INO80D: variants seen among roughly 807,000 people sequenced by gnomAD.
INO80D encodes INO80 complex subunit D.
In INO80D, 21 loss-of-function variants were observed where a neutral mutation model predicts 87.6. The observed-to-expected ratio is 0.24, with a 90% CI of 0.17 to 0.35. INO80D has a LOEUF of 0.35. Among genes scored for constraint, INO80D ranks in the 10% least tolerant of loss-of-function variants. INO80D has a pLI of 1.00. For missense variants in INO80D, 982 were observed against 1,280.7 expected, an observed-to-expected ratio of 0.77 and a Z score of 3.56; for synonymous variants, 440 against 491.0, an observed-to-expected ratio of 0.90 and a Z score of 1.37.
chr2:206,047,796 G>A (rs1275411338), intron 4 of INO80D, among the ~76,000 whole-genome samples: 1 of 152,020 alleles, frequency 6.6e-6, no homozygotes, highest in Non-Finnish European at 1.5e-5. Context: ...ACCTTCCATG[G>A]GAAGATGGAA....
Position 206,056,276 on chromosome 2 carries a change from A to G in INO80D, c.886T>C (p.Cys296Arg). The G allele has an allele frequency of 1.9e-6, 3 of 1,613,936 alleles. No individual in the cohort carries two copies. The highest frequency in any genetic ancestry group is 1.7e-5 in the Admixed American group (1 of 59,998). The stretch of plus-strand genomic sequence containing the variant: ...ACCAGTCTCTGCAGTCGGCTTATAC[A>G]TGAGAAGTGTGGAGAGAAGGCTGTG... ...KATAFSPHFS[C>R]ISRLQRLVKL... The change falls in exon 4 of 11, where the codon TGT becomes CGT. Residue 296 changes from cysteine (C) to arginine (R), a missense_variant. Cys to Arg is a radical substitution (Grantham distance 180). Transcript: ENST00000403263.
chr2:205,994,231 AGAG>A lies in INO80D; in HGVS notation c.*10134_*10136del, dbSNP rs1211250285. On this transcript the variant is annotated 3_prime_UTR_variant, in exon 11 of 11. Transcript: ENST00000403263. ...TCCCAGCCACTATGAACACAAATACAGAGGAGAGATTGTCAGTTTGTAAGTTCC... is the reference window on the plus strand; with the variant it reads ...TCCCAGCCACTATGAACACAAATACAGAGAGATTGTCAGTTTGTAAGTTCC... 6.6e-6 allele frequency: 1 copy of A among 152,208 alleles called. No individual in the cohort carries two copies. Among genetic ancestry groups the A allele is most frequent in the Non-Finnish European group, 1.5e-5 (1 of 68,044 alleles). The allele number at this position is 152,208 out of a possible 1,614,324, so 9.4% of individuals were successfully genotyped here. A position where few individuals can be genotyped will look rare whatever the true frequency, so the allele number is the denominator to read the frequency against.
intron 5 of INO80D, among the ~76,000 whole-genome samples, chr2:206,038,668 A>T (rs1249275067): frequency 3.9e-5 from 6 of 152,010 alleles, no homozygotes; most frequent in Non-Finnish European, 7.4e-5. Flanking sequence ...CCATCTCTAC[A>T]ACAAAATGCA....
chr2:206,056,222 C>T lies in INO80D; in HGVS notation c.940G>A (p.Asp314Asn). The change falls in exon 4 of 11, where the codon GAC (aspartate) becomes AAC (asparagine). Residue 314 changes from aspartate (D) to asparagine (N), a missense_variant. Transcript: ENST00000403263. ...VKLCTQKHQLDTDLFPHLGLD... is the reference protein window; with the variant it reads ...VKLCTQKHQLNTDLFPHLGLD... Reference sequence around the variant, plus strand: ...CCTAAATGGGGAAACAGATCAGTGTCCAACTGATGTTTCTGGGTGCACAGT... The same window carrying T: ...CCTAAATGGGGAAACAGATCAGTGTTCAACTGATGTTTCTGGGTGCACAGT... 3.8e-6 allele frequency: 6 copies of T among 1,599,322 alleles called. No homozygotes were observed. The highest frequency in any genetic ancestry group is 1.3e-5 in the African/African-American group (1 of 74,700).
chr2:206,066,419 T>C (rs925669801), intron 1 of INO80D, among the ~76,000 whole-genome samples: 10 of 152,070 alleles, frequency 6.6e-5, no homozygotes, highest in Non-Finnish European at 1.5e-4. Flanking sequence ...ACCCAAGATA[T>C]GGAATCAAAC....
Position 205,997,218 on chromosome 2 carries a change from A to G in INO80D, c.*7150T>C, listed in dbSNP as rs976876051. On this transcript the variant is annotated 3_prime_UTR_variant, in exon 11 of 11. Coordinates refer to ENST00000403263, the MANE Select transcript of INO80D (RefSeq NM_017759.5). ...TAAATGTATAGCAAAATAACAACTT[A>G]AAACTCAAAATAAAGGGATGTATTT... is the stretch of plus-strand genomic sequence containing the variant. The G allele has an allele frequency of 6.6e-6, 1 of 152,126 alleles. No homozygotes were observed. Among genetic ancestry groups the G allele is most frequent in the Non-Finnish European group, 1.5e-5 (1 of 67,976 alleles). 9.4% of individuals were successfully genotyped at this position (152,126 alleles called of 1,614,324 possible).
At chr2:206,076,257 T>C (rs992874846) in intron 1 of INO80D, among the ~76,000 whole-genome samples, 1 of 152,162 alleles carries the variant, frequency 6.6e-6, no homozygotes, top group Non-Finnish European at 1.5e-5. Flanking sequence ...TTTTCCAATA[T>C]ACTTAATGCA....
At chr2:206,047,169 T>C (rs1220709323) in intron 4 of INO80D, among the ~76,000 whole-genome samples, 1 of 152,086 alleles carries the variant, frequency 6.6e-6, no homozygotes, top group African/African-American at 2.4e-5. Context: ...ACTAATGGGG[T>C]AGAAACAACA....
At chr2:206,026,694 TC>T in intron 6 of INO80D, among the ~76,000 whole-genome samples, 1 of 149,908 alleles carries the variant, frequency 6.7e-6, no homozygotes. Flanking sequence ...ATAACAGAAT[TC>T]CATAATCAGT....
chr2:206,010,710 C>T (rs993262424), intron 8 of INO80D, among the ~76,000 whole-genome samples: 2 of 152,092 alleles, frequency 1.3e-5, no homozygotes, highest in African/African-American at 4.8e-5. Flanking sequence ...CAGGTTTAAT[C>T]CTACTCAAAT....
intron 3 of INO80D, 105 bp from the exon 4 acceptor site, chr2:206,057,048 A>G (rs1689545455): frequency 5.2e-6 from 6 of 1,150,842 alleles, no homozygotes; most frequent in Non-Finnish European, 7.2e-6. Flanking sequence ...GCGTCACTAT[A>G]GTGACTCTTG....
In INO80D at chr2:206,050,682, T is replaced by C. The variant is rs571871585; in HGVS notation, c.965-4070A>G. 1.3e-4 allele frequency among the ~76,000 whole-genome samples: 20 copies of C among 150,866 alleles called. No homozygotes were observed. In the South Asian group the frequency reaches 3.8e-3, roughly 29 times the overall value. On this transcript the variant is annotated intron_variant, in intron 4 of 10. Coordinates refer to ENST00000403263, the MANE Select transcript of INO80D (RefSeq NM_017759.5). ...GGCAAACATTTTTTAAAAATTGTTA[T>C]ATTTCGCCGGGCGCGGTGGCTCACG...
intron 8 of INO80D, among the ~76,000 whole-genome samples, chr2:206,011,777 C>T (rs923634059): frequency 6.6e-6 from 1 of 152,146 alleles, no homozygotes; most frequent in Admixed American, 6.5e-5. Flanking sequence ...GCTAGGGATA[C>T]AGTAGTAACA....
At chr2:206,081,764 AAAAAAAAG>A (rs937786565) in intron 1 of INO80D, among the ~76,000 whole-genome samples, 11 of 148,430 alleles carry the variant, frequency 7.4e-5, no homozygotes, top group African/African-American at 2.2e-4. Flanking sequence ...CTCAAAAAAA[AAAAAAAAG>A]AAAGAAAGAA....
At chr2:206,043,000 G>T (rs1298445133) in intron 5 of INO80D, among the ~76,000 whole-genome samples, 2 of 152,072 alleles carry the variant, frequency 1.3e-5, no homozygotes, top group African/African-American at 4.8e-5. Flanking sequence ...AATTCCTTAT[G>T]GCACAATCCT....
Position 205,999,995 on chromosome 2 carries a change from T to C in INO80D, c.*4373A>G, listed in dbSNP as rs955856201. Reference sequence around the variant, plus strand: ...AACTCTCCACTCCCGAGAAATATATTTTTTGTCAGGAAAAAAATCCTTGGA... The same window carrying C: ...AACTCTCCACTCCCGAGAAATATATCTTTTGTCAGGAAAAAAATCCTTGGA... On this transcript the variant is annotated 3_prime_UTR_variant, in exon 11 of 11. Transcript: ENST00000403263. 1.3e-5 allele frequency: 2 copies of C among 152,120 alleles called. No homozygotes were observed. The highest frequency in any genetic ancestry group is 4.8e-5 in the African/African-American group (2 of 41,408). The allele number at this position is 152,120 out of a possible 1,614,324, so 9.4% of individuals were successfully genotyped here.
chr2:206,036,420 A>C (rs1688895866), intron 5 of INO80D, among the ~76,000 whole-genome samples: 1 of 152,208 alleles, frequency 6.6e-6, no homozygotes, highest in Non-Finnish European at 1.5e-5. Flanking sequence ...GAATGAATTA[A>C]TGGCATTTGC....
chr2:206,032,861 G>A (rs1024252892), intron 5 of INO80D, among the ~76,000 whole-genome samples: 5 of 151,994 alleles, frequency 3.3e-5, no homozygotes, highest in African/African-American at 1.2e-4. Context: ...CATCAAAACA[G>A]AATCTTTTTA....
At chr2:206,067,048 G>A (rs968676865) in intron 1 of INO80D, among the ~76,000 whole-genome samples, 1 of 151,770 alleles carries the variant, frequency 6.6e-6, no homozygotes, top group Non-Finnish European at 1.5e-5. Context: ...AGGAATTCGA[G>A]ACCAGCCTGG....
Sources: allele counts gnomAD v4.1 joint callset (sites outside exome capture counted in the v4.1 genomes callset), GRCh38; gene constraint gnomAD v4.1.1; transcripts MANE v1.5; gene names NCBI Gene and HGNC (gene_info 2026-07-23, HGNC 2026-07-21).